KCND2: variants seen among roughly 807,000 people sequenced by gnomAD.
KCND2 encodes the protein potassium voltage-gated channel subfamily D member 2.
Under a neutral mutation model 54.4 loss-of-function variants are expected in KCND2, and 16 were observed. The ratio of observed to expected loss-of-function variants is 0.29; its 90% CI spans 0.20 to 0.45. KCND2 has a LOEUF of 0.45. Ranked by LOEUF, KCND2 falls within the 20% of genes least tolerant of loss-of-function variation. KCND2 has a pLI of 1.00. For missense variants in KCND2, 486 were observed against 824.2 expected, an observed-to-expected ratio of 0.59 and a Z score of 5.02; for synonymous variants, 317 against 310.7, an observed-to-expected ratio of 1.02 and a Z score of -0.21.
chr7:120,659,037 A>C (rs1348440535), intron 1 of KCND2, among the ~76,000 whole-genome samples: 1 of 152,204 alleles, frequency 6.6e-6, no homozygotes. Context: ...TATGTAACTA[A>C]CTGAATAATA....
chr7:120,501,555 A>G (rs1802935620), intron 1 of KCND2, among the ~76,000 whole-genome samples: 1 of 152,184 alleles, frequency 6.6e-6, no homozygotes, highest in South Asian at 2.1e-4. Flanking sequence ...GAAAATACTT[A>G]TAGTTTTGAA....
At chr7:120,351,412 A>ACTCTCT (rs60390632) in intron 1 of KCND2, among the ~76,000 whole-genome samples, 58 of 99,762 alleles carry the variant, frequency 5.8e-4, no homozygotes, top group Admixed American at 7.1e-4. Context: ...ACACACACAC[A>ACTCTCT]CTCTCTCTCT....
chr7:120,286,940 A>G (rs573620982), intron 1 of KCND2, among the ~76,000 whole-genome samples: 2 of 152,236 alleles, frequency 1.3e-5, no homozygotes, highest in East Asian at 1.9e-4. Flanking sequence ...TGAATAAAAC[A>G]TTGCTGAGCA....
chr7:120,493,571 A>C (rs576216502), intron 1 of KCND2, among the ~76,000 whole-genome samples: 1 of 152,160 alleles, frequency 6.6e-6, no homozygotes, highest in African/African-American at 2.4e-5. Flanking sequence ...ATAAATAGGC[A>C]TTTCCTTTTC....
In KCND2 at chr7:120,661,441, G is replaced by A. The variant is rs558684621; in HGVS notation, c.1116-71462G>A. 2.0e-5 allele frequency among the ~76,000 whole-genome samples: 3 copies of A among 152,112 alleles called. No homozygotes were observed. The East Asian group carries it at 5.8e-4, about 29-fold the overall frequency. The stretch of plus-strand genomic sequence containing the variant: ...AAGCAGATGGATCACCTGAAGTCAG[G>A]AGTTCAAGACCAGCCTGGTCAACAT... On this transcript the variant is annotated intron_variant, in intron 1 of 5. Coordinates refer to ENST00000331113, the MANE Select transcript of KCND2 (RefSeq NM_012281.3).
At chr7:120,605,014 G>C (rs1792863571) in intron 1 of KCND2, among the ~76,000 whole-genome samples, 1 of 152,074 alleles carries the variant, frequency 6.6e-6, no homozygotes, top group African/African-American at 2.4e-5. Flanking sequence ...TATCTTTTAA[G>C]ATTATTACTA....
chr7:120,666,184 C>G (rs1352314103), intron 1 of KCND2, among the ~76,000 whole-genome samples: 2 of 151,896 alleles, frequency 1.3e-5, no homozygotes, highest in African/African-American at 2.4e-5. Context: ...AAACTGTTAG[C>G]CATGATTCTA....
At chr7:120,352,207 A>T (rs902860283) in intron 1 of KCND2, among the ~76,000 whole-genome samples, 2 of 152,100 alleles carry the variant, frequency 1.3e-5, no homozygotes, top group African/African-American at 4.8e-5. Flanking sequence ...AAGTGCTGGG[A>T]TTACAGGCAT....
chr7:120,329,376 G>A, intron 1 of KCND2, among the ~76,000 whole-genome samples: 1 of 151,914 alleles, frequency 6.6e-6, no homozygotes, highest in African/African-American at 2.4e-5. Flanking sequence ...ACTCGCCTTG[G>A]CCTCCCAATA....
chr7:120,315,503 C>G (rs868735065), intron 1 of KCND2, among the ~76,000 whole-genome samples: 3 of 152,144 alleles, frequency 2.0e-5, no homozygotes, highest in Middle Eastern at 3.4e-3. Context: ...AGAATGACAC[C>G]TACATTGTAT....
At chr7:120,388,203 C>G (rs181498773) in intron 1 of KCND2, among the ~76,000 whole-genome samples, 92 of 152,032 alleles carry the variant, frequency 6.1e-4, no homozygotes, top group African/African-American at 2.1e-3. Context: ...TCCCAAGGAA[C>G]CTTTTTTTAT....
At chr7:120,584,121 A>G (rs567120650) in intron 1 of KCND2, among the ~76,000 whole-genome samples, 1 of 152,366 alleles carries the variant, frequency 6.6e-6, no homozygotes, top group Admixed American at 6.5e-5. Flanking sequence ...GGAATGCACA[A>G]TTGACAGAGA....
chr7:120,511,882 C>T (rs1169631095), intron 1 of KCND2, among the ~76,000 whole-genome samples: 1 of 152,094 alleles, frequency 6.6e-6, no homozygotes, highest in African/African-American at 2.4e-5. Flanking sequence ...TTTCAGCCCA[C>T]TTGTATTATA....
chr7:120,740,764 A>G (rs1584903125), intron 2 of KCND2: 1 of 435,162 alleles, frequency 2.3e-6, no homozygotes, highest in East Asian at 7.3e-5. Context: ...AAAAATGAAA[A>G]ACAATGTTTA....
At chr7:120,699,509 A>G (rs1052158709) in intron 1 of KCND2, among the ~76,000 whole-genome samples, 1 of 152,220 alleles carries the variant, frequency 6.6e-6, no homozygotes, top group Non-Finnish European at 1.5e-5. Flanking sequence ...TAGTGACAAC[A>G]CAAGGTGAAA....
At chr7:120,443,899 C>T (rs1164029355) in intron 1 of KCND2, among the ~76,000 whole-genome samples, 2 of 151,998 alleles carry the variant, frequency 1.3e-5, no homozygotes, top group South Asian at 2.1e-4. Context: ...ATTGTGACAA[C>T]CAAAAATGCT....
At chr7:120,281,033 A>G (rs1325695959) in intron 1 of KCND2, among the ~76,000 whole-genome samples, 1 of 152,092 alleles carries the variant, frequency 6.6e-6, no homozygotes, top group African/African-American at 2.4e-5. Context: ...TCATCCAGTG[A>G]ACTTTCAGGC....
intron 1 of KCND2, among the ~76,000 whole-genome samples, chr7:120,674,025 C>T (rs574928329): frequency 6.6e-6 from 1 of 152,116 alleles, no homozygotes; most frequent in East Asian, 1.9e-4. Flanking sequence ...CTACCTCAGC[C>T]TCCCAAGTAG....
intron 1 of KCND2, among the ~76,000 whole-genome samples, chr7:120,462,256 A>G (rs1802294426): frequency 6.6e-6 from 1 of 151,712 alleles, no homozygotes; most frequent in South Asian, 2.1e-4. Context: ...TAAGGCCTTC[A>G]ACATTTATTT....
Sources: gnomAD v4.1 joint callset for allele counts (sites outside exome capture counted in the v4.1 genomes callset) on GRCh38, gnomAD v4.1.1 for gene constraint, MANE v1.5 for transcripts, NCBI Gene and HGNC (gene_info 2026-07-23, HGNC 2026-07-21) for gene names.